PCDHA2: variants seen among roughly 807,000 people sequenced by gnomAD.
The protein encoded by PCDHA2 is protocadherin alpha 2.
PCDHA2 carries 58 observed loss-of-function variants against 66.0 expected under a neutral mutation model. That is an observed-to-expected ratio of 0.88 (90% confidence interval 0.71 to 1.09). The LOEUF is 1.09. Among genes scored for constraint, PCDHA2 ranks in the 50% least tolerant of loss-of-function variants. PCDHA2 has a pLI of 0.00. For synonymous variants in PCDHA2, 634 were observed against 554.0 expected (o/e 1.14, Z -2.03); for missense variants, 1,267 against 1,242.3 (o/e 1.02, Z -0.30).
At chr5:140,915,572 C>A (rs2077180575) in intron 1 of PCDHA2, among the ~76,000 whole-genome samples, 1 of 151,988 alleles carries the variant, frequency 6.6e-6, no homozygotes, top group Non-Finnish European at 1.5e-5. Flanking sequence ...ATCTGGATTG[C>A]CAGGCAAAAG....
intron 1 of PCDHA2, chr5:140,884,551 G>C (rs782613034): frequency 1.2e-6 from 2 of 1,614,134 alleles, no homozygotes; most frequent in Non-Finnish European, 1.7e-6. Flanking sequence ...TGTGCTCTGG[G>C]GAGGGCCCGC....
chr5:140,948,637 T>C (rs2094284946), intron 1 of PCDHA2, among the ~76,000 whole-genome samples: 1 of 151,712 alleles, frequency 6.6e-6, no homozygotes, highest in Non-Finnish European at 1.5e-5. Context: ...TATTCTCTCA[T>C]CTTTTAACGT....
chr5:140,956,137 A>C (rs374405911), intron 1 of PCDHA2, among the ~76,000 whole-genome samples: 1 of 152,114 alleles, frequency 6.6e-6, no homozygotes. Flanking sequence ...AATACCCTTT[A>C]TTTCTTTCTC....
chr5:140,882,870 A>T, intron 1 of PCDHA2: 1 of 1,614,196 alleles, frequency 6.2e-7, no homozygotes, highest in South Asian at 1.1e-5. Flanking sequence ...AAAACACTGG[A>T]CAGAGAGGAA....
Position 140,929,454 on chromosome 5 carries a change from C to T in PCDHA2, c.2389-49495C>T, listed in dbSNP as rs2086172726. ...AACTAAACACTCCTTCTTAGCACTTCCTGTGCCAAGAAATCTGGAAGTATA... is the reference window on the plus strand; with the variant it reads ...AACTAAACACTCCTTCTTAGCACTTTCTGTGCCAAGAAATCTGGAAGTATA... On this transcript the variant is annotated intron_variant, in intron 1 of 3. Transcript: ENST00000526136. 7 of 1,355,724 alleles carry T rather than the reference C, an allele frequency of 5.2e-6. No individual in the cohort carries two copies. In the Admixed American group the frequency reaches 8.0e-5, roughly 16 times the overall value. The allele number at this position is 1,355,724 out of a possible 1,614,324, so 84.0% of individuals were successfully genotyped here. A position where few individuals can be genotyped will look rare whatever the true frequency, so the allele number is the denominator to read the frequency against.
At chr5:140,946,314 T>C (rs1307176539) in intron 1 of PCDHA2, among the ~76,000 whole-genome samples, 2 of 151,808 alleles carry the variant, frequency 1.3e-5, no homozygotes, top group African/African-American at 4.8e-5. Flanking sequence ...ATGGCTATTA[T>C]TGAAAGAGGA....
chr5:140,911,515 T>C (rs2075517327), intron 1 of PCDHA2, among the ~76,000 whole-genome samples: 1 of 152,226 alleles, frequency 6.6e-6, no homozygotes, highest in African/African-American at 2.4e-5. Flanking sequence ...CAGTATCTGC[T>C]TCTGAAGCTA....
intron 1 of PCDHA2, chr5:140,850,246 C>A: frequency 1.9e-6 from 3 of 1,593,138 alleles, no homozygotes; most frequent in Non-Finnish European, 2.6e-6. Flanking sequence ...GTGCTGCGGT[C>A]GGTGGGCGCC....
chr5:140,852,752 C>T (rs2042460960), intron 1 of PCDHA2: 1 of 983,598 alleles, frequency 1.0e-6, no homozygotes, highest in Non-Finnish European at 1.2e-6. Context: ...TAAACTTGGA[C>T]CCAGGTATCT....
intron 1 of PCDHA2, among the ~76,000 whole-genome samples, chr5:140,880,863 T>C (rs1312869588): frequency 6.6e-6 from 1 of 152,170 alleles, no homozygotes; most frequent in Non-Finnish European, 1.5e-5. Flanking sequence ...TCTAATTATG[T>C]GAAGAGGTAA....
At chr5:140,857,952 C>G in intron 1 of PCDHA2, 1 of 1,597,470 alleles carries the variant, frequency 6.3e-7, no homozygotes, top group South Asian at 1.1e-5. Context: ...ACGACGCGCG[C>G]TCTGGATGAG....
chr5:140,841,255 C>G, intron 1 of PCDHA2: 8 of 1,511,904 alleles, frequency 5.3e-6, no homozygotes, highest in Non-Finnish European at 7.1e-6. Flanking sequence ...GATTAAAAGA[C>G]TCTGAAAGTA....
chr5:140,841,443 A>C (rs2150315650), intron 1 of PCDHA2: 1 of 1,612,892 alleles, frequency 6.2e-7, no homozygotes, highest in Admixed American at 1.7e-5. Context: ...GAGGCCAAAC[A>C]CGGCACCTTC....
intron 1 of PCDHA2, chr5:140,830,139 C>G (rs2150181764): frequency 1.2e-6 from 2 of 1,613,260 alleles, no homozygotes; most frequent in Non-Finnish European, 1.7e-6. Flanking sequence ...TCACGGGCGT[C>G]GGTGGGCGCC....
At chr5:140,821,913 C>T (rs1767111561) in intron 1 of PCDHA2, 1 of 1,614,128 alleles carries the variant, frequency 6.2e-7, no homozygotes, top group African/African-American at 1.3e-5. Context: ...TCGTTGGCCG[C>T]ATCGCGCAGG....
At chr5:140,967,879 T>C in intron 1 of PCDHA2, 1 of 1,614,104 alleles carries the variant, frequency 6.2e-7, no homozygotes, top group Non-Finnish European at 8.5e-7. Context: ...CGGACCTGTA[T>C]AGCCCAGTGC....
At chr5:140,841,894 G>C in intron 1 of PCDHA2, 1 of 1,613,814 alleles carries the variant, frequency 6.2e-7, no homozygotes. Flanking sequence ...AGAATAAACT[G>C]GTTGAGCTCG....
chr5:140,837,460 G>A (rs2150141340), intron 1 of PCDHA2, among the ~76,000 whole-genome samples: 1 of 151,718 alleles, frequency 6.6e-6, no homozygotes, highest in East Asian at 1.9e-4. Context: ...AAATCTCCTT[G>A]CCTCCTCAAA....
At chr5:140,830,205 G>C (rs1770893475) in intron 1 of PCDHA2, 1 of 1,613,662 alleles carries the variant, frequency 6.2e-7, no homozygotes, top group Non-Finnish European at 8.5e-7. Flanking sequence ...ATCGCCATCT[G>C]CGCGGTATCC....
Sources: gnomAD v4.1 joint callset for allele counts (sites outside exome capture counted in the v4.1 genomes callset) on GRCh38, gnomAD v4.1.1 for gene constraint, MANE v1.5 for transcripts, NCBI Gene and HGNC (gene_info 2026-07-23, HGNC 2026-07-21) for gene names.